The following MS4A2 variants were observed in gnomAD, a reference collection of about 807,000 sequenced individuals.
MS4A2 encodes membrane spanning 4-domains A2.
In MS4A2, 26 loss-of-function variants were observed where a neutral mutation model predicts 27.9. The observed-to-expected ratio is 0.93, with a 90% CI of 0.68 to 1.29. The LOEUF (loss-of-function observed/expected upper bound fraction) is 1.29. Ranked by LOEUF, MS4A2 falls within the 50% of genes most tolerant of loss-of-function variation. The pLI is 0.00. For missense variants in MS4A2, 284 were observed against 284.6 expected, an observed-to-expected ratio of 1.00 and a Z score of 0.01; for synonymous variants, 110 against 98.8, an observed-to-expected ratio of 1.11 and a Z score of -0.67.
chr11:60,093,802 TTGTGTGTGTGTG>T (rs60162275), intron 5 of MS4A2, 150 bp from the exon 6 acceptor site: 19 of 640,390 alleles, frequency 3.0e-5, no homozygotes, highest in Non-Finnish European at 3.9e-5. Context: ...GTGCCTGTGT[TTGTGTGTGTGTG>T]TGTGTGTGTG....
rs1565074124 is a variant in MS4A2, at chr11:60,090,423, A to AT, written c.280dup (p.Ser94PhefsTer4). On this transcript the variant is annotated frameshift_variant, in exon 3 of 7. Transcript: ENST00000278888. LOFTEE classifies it high-confidence loss of function. ...TGATATTTCACACATTGAGGGAGAC[A>AT]TTTTTTCATCATTTAAAGCAGGTTA... The AT allele has an allele frequency of 1.9e-6, 3 of 1,613,388 alleles. No homozygotes were observed. Among genetic ancestry groups the AT allele is most frequent in the Admixed American group, 1.7e-5 (1 of 60,002 alleles).
At position 60,095,734 on chromosome 11, in the gene MS4A2, A is replaced by C; in HGVS notation, c.*78A>C. ...GGTCTTGTTAAGGGGCTACTGGAAAAATTTCTATTCTCTCCACAGCCTGCT... is the reference window on the plus strand; with the variant it reads ...GGTCTTGTTAAGGGGCTACTGGAAACATTTCTATTCTCTCCACAGCCTGCT... On this transcript the variant is annotated 3_prime_UTR_variant, in exon 7 of 7. Coordinates refer to ENST00000278888, the MANE Select transcript of MS4A2 (RefSeq NM_000139.5). 1 of 911,314 alleles carries C rather than the reference A, an allele frequency of 1.1e-6. No homozygotes were observed. The highest frequency in any genetic ancestry group is 1.8e-6 in the Non-Finnish European group (1 of 545,282). The allele number at this position is 911,314 out of a possible 1,614,324, so 56.5% of individuals were successfully genotyped here.
chr11:60,092,095 C>T (rs1275220569), intron 3 of MS4A2, among the ~76,000 whole-genome samples: 3 of 151,968 alleles, frequency 2.0e-5, no homozygotes, highest in South Asian at 2.1e-4. Flanking sequence ...TACAAATAGA[C>T]GATTGCAATA....
chr11:60,088,500 C>T (rs1211031457), upstream of MS4A2: 1 of 802,592 alleles, frequency 1.2e-6, no homozygotes, highest in Non-Finnish European at 1.7e-6. Flanking sequence ...CAAAATTATG[C>T]TCCAGGAGTC....
At chr11:60,093,802 T>TTGTGTGTGTG (rs60162275) in intron 5 of MS4A2, 162 bp from the exon 6 acceptor site, 11,547 of 638,856 alleles carry the variant, frequency 0.018, 139 homozygotes, top group African/African-American at 0.062. Context: ...GTGCCTGTGT[T>TTGTGTGTGTG]TGTGTGTGTG....
rs534016169 is a variant in MS4A2, at chr11:60,097,441, A to G, written c.*1785A>G. On this transcript the variant is annotated 3_prime_UTR_variant, in exon 7 of 7. Coordinates refer to ENST00000278888, the MANE Select transcript of MS4A2 (RefSeq NM_000139.5). ...TGCAAAAGGTGCTGAGAAATTCCAC[A>G]CATGAGTATTGTGATGAGTAAATGA... 6.6e-6 allele frequency: 1 copy of G among 152,260 alleles called. No homozygotes were observed. Among genetic ancestry groups the G allele is most frequent in the Non-Finnish European group, 1.5e-5 (1 of 68,046 alleles). The allele number at this position is 152,260 out of a possible 1,614,324, so 9.4% of individuals were successfully genotyped here.
chr11:60,092,188 G>T (rs973677352), intron 3 of MS4A2, among the ~76,000 whole-genome samples: 1 of 152,106 alleles, frequency 6.6e-6, no homozygotes, highest in African/African-American at 2.4e-5. Flanking sequence ...CATTGTCAGG[G>T]TTAGCATCTC....
chr11:60,088,560 T>A (rs1590629633), upstream of MS4A2: 2 of 1,365,352 alleles, frequency 1.5e-6, no homozygotes, highest in East Asian at 5.4e-5. Flanking sequence ...CTTCTTAATT[T>A]TTCTATTCAT....
chr11:60,095,773 A>G lies in MS4A2; in HGVS notation c.*117A>G. The G allele has an allele frequency of 1.4e-6, 1 of 725,414 alleles. No individual in the cohort carries two copies. The highest frequency in any genetic ancestry group is 2.5e-6 in the Non-Finnish European group (1 of 395,302). The allele number at this position is 725,414 out of a possible 1,614,324, so 44.9% of individuals were successfully genotyped here. A position where few individuals can be genotyped will look rare whatever the true frequency, so the allele number is the denominator to read the frequency against. On this transcript the variant is annotated 3_prime_UTR_variant, in exon 7 of 7. Coordinates refer to ENST00000278888, the MANE Select transcript of MS4A2 (RefSeq NM_000139.5). Reference sequence around the variant, plus strand: ...CCACAGCCTGCTGGTTTTACATTAGATTTATTCGCCTGATAAGAATATTTT... The same window carrying G: ...CCACAGCCTGCTGGTTTTACATTAGGTTTATTCGCCTGATAAGAATATTTT...
intron 3 of MS4A2, 93 bp from the exon 4 acceptor site, chr11:60,092,699 C>A: frequency 8.8e-7 from 1 of 1,134,716 alleles, no homozygotes; most frequent in Non-Finnish European, 1.3e-6. Flanking sequence ...ATCGAGTACC[C>A]CAAATGTTAC....
chr11:60,095,809 C>T lies in MS4A2; in HGVS notation c.*153C>T. On this transcript the variant is annotated 3_prime_UTR_variant, in exon 7 of 7. Coordinates refer to ENST00000278888, the MANE Select transcript of MS4A2 (RefSeq NM_000139.5). ...TGATAAGAATATTTTGTTTCTGCTG[C>T]TTCTGTCCACCTTAATATTCTCCTT... is the stretch of plus-strand genomic sequence containing the variant. 1.5e-6 allele frequency: 1 copy of T among 670,880 alleles called. No individual in the cohort carries two copies. Among genetic ancestry groups the T allele is most frequent in the Non-Finnish European group, 2.7e-6 (1 of 369,392 alleles). The allele number at this position is 670,880 out of a possible 1,614,324, so 41.6% of individuals were successfully genotyped here. A position where few individuals can be genotyped will look rare whatever the true frequency, so the allele number is the denominator to read the frequency against.
At chr11:60,093,066 T>A (rs1012478086) in intron 4 of MS4A2, among the ~76,000 whole-genome samples, 1 of 152,322 alleles carries the variant, frequency 6.6e-6, no homozygotes, top group African/African-American at 2.4e-5. Flanking sequence ...CAATGAAGTT[T>A]ATGTTTACCT....
rs1855899512 is a variant in MS4A2, at chr11:60,098,060, G to A, written c.*2404G>A. On this transcript the variant is annotated 3_prime_UTR_variant, in exon 7 of 7. Transcript: ENST00000278888. ...CAATCTATATCTTTACAGTTGTATA[G>A]TATATGATATCTCTTTTATTTCACT... 1 of 152,146 alleles carries A rather than the reference G, an allele frequency of 6.6e-6. No individual in the cohort carries two copies. The highest frequency in any genetic ancestry group is 2.4e-5 in the African/African-American group (1 of 41,416). 9.4% of individuals were successfully genotyped at this position (152,146 alleles called of 1,614,324 possible).
intron 6 of MS4A2, 113 bp from the exon 7 acceptor site, chr11:60,095,445 C>CA: frequency 1.4e-6 from 1 of 733,734 alleles, no homozygotes; most frequent in Non-Finnish European, 2.5e-6. Flanking sequence ...AGTTTAATGA[C>CA]AGAGAGCGTG....
rs1855790462 is a variant in MS4A2, at chr11:60,092,820, T to C, written c.350T>C (p.Ile117Thr). ...FFSISGMLSI[I>T]SERRNATYLV... The stretch of plus-strand genomic sequence containing the variant: ...TCTATTTCTGGAATGTTGTCAATTA[T>C]ATCTGAAAGGAGAAATGCAACATAT... The change falls in exon 4 of 7, where the codon ATA becomes ACA. Residue 117 changes from isoleucine (I) to threonine (T), a missense_variant. Physicochemically the swap from Ile to Thr is moderately conservative, Grantham distance 89 (BLOSUM62 -1). Coordinates refer to ENST00000278888, the MANE Select transcript of MS4A2 (RefSeq NM_000139.5). 6.8e-6 allele frequency: 11 copies of C among 1,614,038 alleles called. No homozygotes were observed. Among genetic ancestry groups the C allele is most frequent in the Non-Finnish European group, 9.3e-6 (11 of 1,179,962 alleles).
intron 3 of MS4A2, among the ~76,000 whole-genome samples, chr11:60,092,295 AC>A (rs1855775623): frequency 7.2e-6 from 1 of 139,620 alleles, no homozygotes; most frequent in South Asian, 2.2e-4. Context: ...ATTCATATAC[AC>A]TTTTTTTTTT....
At position 60,093,747 on chromosome 11, in the gene MS4A2, G is replaced by T. The variant is rs112977961; in HGVS notation, c.537+189G>T. On this transcript the variant is annotated intron_variant, in intron 5 of 6. Coordinates refer to ENST00000278888, the MANE Select transcript of MS4A2 (RefSeq NM_000139.5). ...TCCCCTCAACCCAGGCAAATTCCTC[G>T]GGGTTAAAGTTATCTACTGCAAGTG... 5.6e-6 allele frequency: 5 copies of T among 899,796 alleles called. No homozygotes were observed. The African/African-American group carries it at 6.7e-5, about 12-fold the overall frequency. 55.7% of individuals were successfully genotyped at this position (899,796 alleles called of 1,614,324 possible). A position where few individuals can be genotyped will look rare whatever the true frequency, so the allele number is the denominator to read the frequency against.
Position 60,095,548 on chromosome 11 carries a change from C to T in MS4A2, c.637-10C>T. The T allele has an allele frequency of 1.9e-6, 3 of 1,565,264 alleles. No individual in the cohort carries two copies. The highest frequency in any genetic ancestry group is 2.6e-6 in the Non-Finnish European group (3 of 1,135,542). ...TGGTGATTGATATGAAATGATTTTT[C>T]CCTTATCAGGTTCCAGAGGATCGTG... On this transcript the variant is annotated splice_polypyrimidine_tract_variant and intron_variant, in intron 6 of 6. Transcript: ENST00000278888.
chr11:60,093,910 T>C, intron 5 of MS4A2, 54 bp from the exon 6 acceptor site: 2 of 1,409,948 alleles, frequency 1.4e-6, no homozygotes, highest in Non-Finnish European at 2.0e-6. Context: ...AAATAAACTT[T>C]TGGGGCGAAT....
Sources: gnomAD v4.1 joint callset for allele counts (sites outside exome capture counted in the v4.1 genomes callset) on GRCh38, gnomAD v4.1.1 for gene constraint, MANE v1.5 for transcripts, NCBI Gene and HGNC (gene_info 2026-07-23, HGNC 2026-07-21) for gene names.